LPIN1: variants seen among roughly 807,000 people sequenced by gnomAD.
LPIN1 encodes lipin 1.
Under a neutral mutation model 107.5 loss-of-function variants are expected in LPIN1, and 71 were observed. The ratio of observed to expected loss-of-function variants is 0.66; its 90% CI spans 0.55 to 0.80. The LOEUF (loss-of-function observed/expected upper bound fraction) is 0.80. LPIN1 is among the 30% of genes least tolerant of loss of function. The probability of loss-of-function intolerance (pLI) is 0.00; values close to 1 mark genes in which losing one functional copy is unlikely to be tolerated. For synonymous variants in LPIN1, 445 were observed against 452.6 expected (o/e 0.98, Z 0.21); for missense variants, 1,043 against 1,160.6 (o/e 0.90, Z 1.47).
intron 20 of LPIN1, among the ~76,000 whole-genome samples, chr2:11,822,032 C>T (rs754034373): frequency 3.3e-5 from 5 of 152,174 alleles, no homozygotes; most frequent in Non-Finnish European, 7.3e-5. Context: ...CTCTCATTCC[C>T]CAGGCTGGAG....
chr2:11,782,143 TG>T, intron 7 of LPIN1, 57 bp from the exon 8 acceptor site: 1 of 1,358,110 alleles, frequency 7.4e-7, no homozygotes, highest in Non-Finnish European at 1.1e-6. Flanking sequence ...TCAGTTTTTC[TG>T]GTTGCCTTTG....
At position 11,773,612 on chromosome 2, in the gene LPIN1, T is replaced by A; in HGVS notation, c.597-8T>A. 6.2e-7 allele frequency: 1 copy of A among 1,604,638 alleles called. No homozygotes were observed. Among genetic ancestry groups the A allele is most frequent in the African/African-American group, 1.3e-5 (1 of 74,746 alleles). On this transcript the variant is annotated splice_polypyrimidine_tract_variant and splice_region_variant and intron_variant, in intron 4 of 20. Transcript: ENST00000674199. Reference sequence around the variant, plus strand: ...TCTTTGACTTTAATCTTTTTTTTTTTCCTCCAGAACTCTTCCTAATGATAT... The same window carrying A: ...TCTTTGACTTTAATCTTTTTTTTTTACCTCCAGAACTCTTCCTAATGATAT...
chr2:11,767,949 A>G, intron 3 of LPIN1, 91 bp downstream of exon 3: 1 of 857,552 alleles, frequency 1.2e-6, no homozygotes, highest in South Asian at 1.4e-5. Flanking sequence ...GTGCAAAGTA[A>G]TACCGGCCGT....
chr2:11,741,997 T>C (rs1484023716), upstream of LPIN1: 1 of 152,148 alleles, frequency 6.6e-6, no homozygotes, highest in Non-Finnish European at 1.5e-5. Flanking sequence ...ATATATCTCA[T>C]TTAATTTCCT....
chr2:11,741,381 G>T (rs985679221), exon 2 of LPIN1: 11 of 1,549,870 alleles, frequency 7.1e-6, no homozygotes, highest in Non-Finnish European at 9.6e-6. Flanking sequence ...CAGAATTCAA[G>T]GCCACCTGCT....
intron 14 of LPIN1, among the ~76,000 whole-genome samples, chr2:11,796,313 G>A (rs1676707915): frequency 6.6e-6 from 1 of 152,174 alleles, no homozygotes; most frequent in African/African-American, 2.4e-5. Context: ...GAACCACTGA[G>A]GTTTTCTCCA....
intron 1 of LPIN1, among the ~76,000 whole-genome samples, chr2:11,693,817 T>TC (rs1662425700): frequency 3.1e-5 from 1 of 32,372 alleles, no homozygotes; most frequent in Admixed American, 6.3e-4. Flanking sequence ...TATATATATA[T>TC]ATATATTTTT....
chr2:11,725,607 A>C (rs967322128), intron 1 of LPIN1, among the ~76,000 whole-genome samples: 1 of 152,224 alleles, frequency 6.6e-6, no homozygotes, highest in African/African-American at 2.4e-5. Flanking sequence ...GGGAACCATT[A>C]ATCATGCAAA....
chr2:11,771,704 G>T lies in LPIN1; in HGVS notation c.596+25G>T. On this transcript the variant is annotated intron_variant, in intron 4 of 20. Coordinates refer to ENST00000674199, the MANE Select transcript of LPIN1 (RefSeq NM_001349206.2). The surrounding 1 kb of genome is among the most constrained non-coding windows in gnomAD (Gnocchi z 4.8). ...GGTAATAACTGTCCAGGGTGGAGGG[G>T]CTGTGCCAGAATCAGACAGTTAACT... is the stretch of plus-strand genomic sequence containing the variant. 3 of 1,565,580 alleles carry T rather than the reference G, an allele frequency of 1.9e-6. No individual in the cohort carries two copies. Among genetic ancestry groups the T allele is most frequent in the South Asian group, 2.3e-5 (2 of 85,472 alleles).
chr2:11,803,432 G>T lies in LPIN1; in HGVS notation c.2013+399G>T, dbSNP rs1355445445. 6.6e-6 allele frequency among the ~76,000 whole-genome samples: 1 copy of T among 152,198 alleles called. No individual in the cohort carries two copies. Among genetic ancestry groups the T allele is most frequent in the Non-Finnish European group, 1.5e-5 (1 of 68,030 alleles). Reference sequence around the variant, plus strand: ...TTAAGTTGGTGGAAATCAAGCAGTTGTGATAGAATTTAGAGAATTTCAGGT... The same window carrying T: ...TTAAGTTGGTGGAAATCAAGCAGTTTTGATAGAATTTAGAGAATTTCAGGT... On this transcript the variant is annotated intron_variant, in intron 15 of 20. Coordinates refer to ENST00000674199, the MANE Select transcript of LPIN1 (RefSeq NM_001349206.2). This position sits in a 1 kb window ranked among gnomAD's most constrained non-coding sequence, Gnocchi z 4.2.
At chr2:11,756,092 A>G (rs574822732) in intron 1 of LPIN1, among the ~76,000 whole-genome samples, 7 of 152,348 alleles carry the variant, frequency 4.6e-5, no homozygotes, top group Admixed American at 4.6e-4. Context: ...CGGGGATTGT[A>G]AGAGTACATT....
At chr2:11,758,707 A>G (rs1191973159) in intron 1 of LPIN1, among the ~76,000 whole-genome samples, 1 of 152,240 alleles carries the variant, frequency 6.6e-6, no homozygotes, top group Non-Finnish European at 1.5e-5. Flanking sequence ...AAGCACCACT[A>G]ATCTAAGCTA....
At chr2:11,712,613 T>C (rs1663486549) in intron 1 of LPIN1, among the ~76,000 whole-genome samples, 1 of 151,796 alleles carries the variant, frequency 6.6e-6, no homozygotes, top group Non-Finnish European at 1.5e-5. Flanking sequence ...AGTCAACAAA[T>C]ATGTGCTGGA....
chr2:11,761,984 T>A (rs1002893754), intron 1 of LPIN1, among the ~76,000 whole-genome samples: 1 of 152,070 alleles, frequency 6.6e-6, no homozygotes, highest in African/African-American at 2.4e-5. Flanking sequence ...GGAGTTAGTA[T>A]CAGATTCCAC....
chr2:11,691,777 T>G (rs889440059), intron 1 of LPIN1, among the ~76,000 whole-genome samples: 1 of 152,240 alleles, frequency 6.6e-6, no homozygotes, highest in Non-Finnish European at 1.5e-5. Flanking sequence ...ATAGAGCCAG[T>G]GGCCTGGCAT....
At chr2:11,754,558 C>T (rs1049572909) in intron 1 of LPIN1, among the ~76,000 whole-genome samples, 11 of 152,188 alleles carry the variant, frequency 7.2e-5, no homozygotes, top group Non-Finnish European at 1.3e-4. Flanking sequence ...GGTGATGCTG[C>T]GGGTGAGAGC....
upstream of LPIN1, among the ~76,000 whole-genome samples, chr2:11,723,211 C>T (rs1211414189): frequency 6.6e-6 from 1 of 152,124 alleles, no homozygotes; most frequent in East Asian, 1.9e-4. Context: ...CTGTGTTTTC[C>T]CAAAGAGTGA....
At chr2:11,693,366 A>AC in intron 1 of LPIN1, among the ~76,000 whole-genome samples, 1 of 152,180 alleles carries the variant, frequency 6.6e-6, no homozygotes, top group South Asian at 2.1e-4. Flanking sequence ...TGACCCGGGC[A>AC]CTCTGCTGAA....
rs1682415920 is a variant in LPIN1 at position 11,826,662 on chromosome 2, G to A, written c.*1871G>A. 6.6e-6 allele frequency: 1 copy of A among 152,044 alleles called. No individual in the cohort carries two copies. Among genetic ancestry groups the A allele is most frequent in the African/African-American group, 2.4e-5 (1 of 41,358 alleles). 9.4% of individuals were successfully genotyped at this position (152,044 alleles called of 1,614,324 possible). On this transcript the variant is annotated 3_prime_UTR_variant, in exon 21 of 21. Transcript: ENST00000674199. ...TGCTCTGAACTAAGTATAAGCTCAT[G>A]GGCCTGCAAAGGTTCAGACGGTTTC... is the stretch of plus-strand genomic sequence containing the variant.
Sources: allele counts gnomAD v4.1 joint callset (sites outside exome capture counted in the v4.1 genomes callset), GRCh38; gene constraint gnomAD v4.1.1; non-coding constraint Gnocchi (gnomAD v3.1); transcripts MANE v1.5; gene names NCBI Gene and HGNC (gene_info 2026-07-23, HGNC 2026-07-21).